RETREG1: variants seen among roughly 807,000 people sequenced by gnomAD.
RETREG1 encodes reticulophagy regulator 1.
A neutral mutation model predicts 54.8 loss-of-function variants in RETREG1; 44 were observed. That is an observed-to-expected ratio of 0.80 (90% CI 0.63 to 1.03). RETREG1 has a LOEUF of 1.03. RETREG1 is among the 50% of genes least tolerant of loss of function. The pLI is 0.00. For synonymous variants in RETREG1, 217 were observed against 238.5 expected, an observed-to-expected ratio of 0.91 and a Z score of 0.83; for missense variants, 554 against 605.1, an observed-to-expected ratio of 0.92 and a Z score of 0.89.
At chr5:16,490,869 A>G (rs1373577117) in intron 3 of RETREG1, among the ~76,000 whole-genome samples, 1 of 152,240 alleles carries the variant, frequency 6.6e-6, no homozygotes, top group African/African-American at 2.4e-5. Flanking sequence ...CCTAAATGCC[A>G]AGCTACACAA....
At chr5:16,480,871 G>A in intron 5 of RETREG1, 138 bp downstream of exon 5, 1 of 672,160 alleles carries the variant, frequency 1.5e-6, no homozygotes, top group African/African-American at 1.8e-5. Context: ...GAGAAACTTT[G>A]TACAGCAGGA....
chr5:16,481,118 G>T (rs1237737204), intron 4 of RETREG1, 25 bp from the exon 5 acceptor site: 2 of 1,521,948 alleles, frequency 1.3e-6, no homozygotes, highest in Non-Finnish European at 1.8e-6. Context: ...AATAACATGG[G>T]ATAGTTAAGC....
chr5:16,563,067 T>A (rs1741907931), intron 3 of RETREG1, among the ~76,000 whole-genome samples: 1 of 152,062 alleles, frequency 6.6e-6, no homozygotes, highest in African/African-American at 2.4e-5. Flanking sequence ...TCTAAAACTG[T>A]TTTTAAAAAT....
At chr5:16,601,706 T>C (rs1743059723) in intron 1 of RETREG1, among the ~76,000 whole-genome samples, 1 of 152,188 alleles carries the variant, frequency 6.6e-6, no homozygotes, top group Non-Finnish European at 1.5e-5. Flanking sequence ...AGGAAATTAT[T>C]TTTAAAAGAC....
intron 3 of RETREG1, 47 bp downstream of exon 3, chr5:16,565,716 C>A: frequency 6.2e-7 from 1 of 1,606,432 alleles, no homozygotes; most frequent in Non-Finnish European, 8.5e-7. Flanking sequence ...CAGTCCCCTC[C>A]CTCACCCTCC....
At chr5:16,477,631 AAAAT>A (rs749744062) in intron 8 of RETREG1, 27 bp downstream of exon 8, 2 of 1,606,440 alleles carry the variant, frequency 1.2e-6, no homozygotes, top group Admixed American at 3.3e-5. Flanking sequence ...TGCACTCATA[AAAAT>A]AAATGTCTCC....
chr5:16,485,202 G>A (rs10074067), intron 3 of RETREG1, among the ~76,000 whole-genome samples: 5,163 of 152,230 alleles, frequency 0.034, 308 homozygotes, highest in African/African-American at 0.12. Flanking sequence ...CTACTGTTCA[G>A]TTTAATGGGA....
intron 3 of RETREG1, among the ~76,000 whole-genome samples, chr5:16,522,464 A>G (rs375497502): frequency 1.3e-5 from 2 of 152,184 alleles, no homozygotes; most frequent in East Asian, 3.9e-4. Context: ...CTTCACTTCT[A>G]TCGGGGTATG....
chr5:16,536,108 A>G (rs1741065984), intron 3 of RETREG1, among the ~76,000 whole-genome samples: 1 of 152,248 alleles, frequency 6.6e-6, no homozygotes, highest in East Asian at 1.9e-4. Context: ...TAACAGAGAA[A>G]GCAAGAGTCT....
At chr5:16,567,421 G>A (rs1742044328) in intron 2 of RETREG1, among the ~76,000 whole-genome samples, 1 of 152,204 alleles carries the variant, frequency 6.6e-6, no homozygotes, top group Non-Finnish European at 1.5e-5. Context: ...GTACAAGTTG[G>A]AATGACAGAG....
chr5:16,493,736 T>G (rs1739340502), intron 3 of RETREG1, among the ~76,000 whole-genome samples: 1 of 151,994 alleles, frequency 6.6e-6, no homozygotes, highest in Non-Finnish European at 1.5e-5. Flanking sequence ...GTGAGGATAC[T>G]AAAAAATATG....
At chr5:16,527,806 T>TTTTTTC (rs1740764341) in intron 3 of RETREG1, among the ~76,000 whole-genome samples, 2 of 117,348 alleles carry the variant, frequency 1.7e-5, no homozygotes, top group Admixed American at 8.6e-5. Flanking sequence ...TCTAATTTTT[T>TTTTTTC]TTTTTTTTTT....
At chr5:16,527,640 C>T (rs796858483) in intron 3 of RETREG1, among the ~76,000 whole-genome samples, 8 of 152,002 alleles carry the variant, frequency 5.3e-5, no homozygotes, top group African/African-American at 1.9e-4. Flanking sequence ...TCTCATAATT[C>T]TTTCTGGGGG....
chr5:16,502,211 G>A (rs1216468100), intron 3 of RETREG1, among the ~76,000 whole-genome samples: 1 of 151,884 alleles, frequency 6.6e-6, no homozygotes, highest in Non-Finnish European at 1.5e-5. Flanking sequence ...ACCCACCTCG[G>A]CCTCCCAAAG....
At chr5:16,491,320 T>G (rs1434589696) in intron 3 of RETREG1, among the ~76,000 whole-genome samples, 1 of 152,208 alleles carries the variant, frequency 6.6e-6, no homozygotes, top group Non-Finnish European at 1.5e-5. Flanking sequence ...AACTATGAAT[T>G]GCAATTAATT....
In RETREG1 at chr5:16,594,952, G is replaced by A. The variant is rs1409132584; in HGVS notation, c.320+21700C>T. Among the ~76,000 whole-genome samples the A allele has an allele frequency of 6.6e-6, 1 of 152,224 alleles. No homozygotes were observed. Among genetic ancestry groups the A allele is most frequent in the Non-Finnish European group, 1.5e-5 (1 of 68,036 alleles). The stretch of plus-strand genomic sequence containing the variant: ...AGAAAGAGATGAAGTAAGGTTTCCA[G>A]ACTGCAGTGAATATCCCAAGATATA... On this transcript the variant is annotated intron_variant, in intron 1 of 8. Transcript: ENST00000306320. This position sits in a 1 kb window ranked among gnomAD's most constrained non-coding sequence, Gnocchi z 4.4.
intron 3 of RETREG1, among the ~76,000 whole-genome samples, chr5:16,490,855 G>T (rs1363346448): frequency 6.6e-6 from 1 of 152,192 alleles, no homozygotes; most frequent in Non-Finnish European, 1.5e-5. Context: ...CAGGATTATG[G>T]ATCCCTAAAT....
chr5:16,581,958 T>C (rs1018002391), intron 1 of RETREG1, among the ~76,000 whole-genome samples: 21 of 152,334 alleles, frequency 1.4e-4, no homozygotes, highest in African/African-American at 4.8e-4. Context: ...AGGTATTAAG[T>C]CCAGCATGCA....
rs1214765005 is a variant in RETREG1, at chr5:16,616,961, G to A, written c.11C>T (p.Pro4Leu). 21 of 1,432,280 alleles carry A rather than the reference G, an allele frequency of 1.5e-5. No homozygotes were observed. Among genetic ancestry groups the A allele is most frequent in the Middle Eastern group, 2.4e-4 (1 of 4,094 alleles). 88.7% of individuals were successfully genotyped at this position (1,432,280 alleles called of 1,614,324 possible). A position where few individuals can be genotyped will look rare whatever the true frequency, so the allele number is the denominator to read the frequency against. MAS[P>L]APPEHAEEGC... ...CTCCTCGGCGTGCTCCGGAGGCGCC[G>A]GGCTCGCCATCTTCAGCTGTGCTTC... The change falls in exon 1 of 9, where the codon CCG becomes CTG. Residue 4 changes from proline (P) to leucine (L), a missense_variant. Pro to Leu is a moderately conservative substitution (Grantham distance 98). This residue lies in a region of RETREG1 where 175 missense variants were observed against 142.1 expected (regional missense o/e 1.23). Coordinates refer to ENST00000306320, the MANE Select transcript of RETREG1 (RefSeq NM_001034850.3).
Sources: allele counts gnomAD v4.1 joint callset (sites outside exome capture counted in the v4.1 genomes callset), GRCh38; gene constraint gnomAD v4.1.1; regional missense constraint gnomAD v4.1.1; non-coding constraint Gnocchi (gnomAD v3.1); transcripts MANE v1.5; gene names NCBI Gene and HGNC (gene_info 2026-07-23, HGNC 2026-07-21).